DLG2: variants seen among roughly 807,000 people sequenced by gnomAD.
The protein encoded by DLG2 is disks large homolog 2.
In DLG2, 45 loss-of-function variants were observed where a neutral mutation model predicts 132.5. The observed-to-expected ratio is 0.34, with a 90% confidence interval of 0.27 to 0.44. DLG2 has a LOEUF of 0.44. Among genes scored for constraint, DLG2 ranks in the 20% least tolerant of loss-of-function variants. The pLI is 1.00. For missense variants in DLG2, 1,045 were observed against 1,196.9 expected, an observed-to-expected ratio of 0.87 and a Z score of 1.87; for synonymous variants, 424 against 419.6, an observed-to-expected ratio of 1.01 and a Z score of -0.13.
At chr11:84,902,703 C>T (rs2091038266) in intron 6 of DLG2, among the ~76,000 whole-genome samples, 1 of 152,140 alleles carries the variant, frequency 6.6e-6, no homozygotes, top group Non-Finnish European at 1.5e-5. Flanking sequence ...TGCAGACTGG[C>T]ATGTATAGCT....
At chr11:84,411,482 C>A (rs1301240777) in intron 7 of DLG2, among the ~76,000 whole-genome samples, 1 of 151,856 alleles carries the variant, frequency 6.6e-6, no homozygotes, top group Non-Finnish European at 1.5e-5. Context: ...CTTAGTTGTA[C>A]ACTGATTTAA....
rs148741217 is a variant in DLG2 at position 84,021,572 on chromosome 11, G to A, written c.919+37743C>T. Among the ~76,000 whole-genome samples, 8 of 152,262 alleles carry A rather than the reference G, an allele frequency of 5.3e-5. No homozygotes were observed. In the East Asian group the frequency reaches 1.5e-3, roughly 29 times the overall value. ...TATGCTTGTCAGCAGCAACTGCTTA[G>A]GAAGTATGAGTCCATGACAGTACCT... On this transcript the variant is annotated intron_variant, in intron 11 of 27. Coordinates refer to ENST00000376104, the MANE Select transcript of DLG2 (RefSeq NM_001142699.3).
chr11:84,655,488 C>T (rs933001523), intron 6 of DLG2, among the ~76,000 whole-genome samples: 1 of 152,100 alleles, frequency 6.6e-6, no homozygotes, highest in African/African-American at 2.4e-5. Context: ...TAATGGGCTA[C>T]ACCATCTATT....
chr11:84,406,564 T>C (rs1057178592), intron 7 of DLG2, among the ~76,000 whole-genome samples: 1 of 152,200 alleles, frequency 6.6e-6, no homozygotes, highest in African/African-American at 2.4e-5. Context: ...GGTTTTGAAC[T>C]CTTGGGCTAA....
chr11:85,102,771 C>G (rs529859120), intron 6 of DLG2, among the ~76,000 whole-genome samples: 7 of 151,884 alleles, frequency 4.6e-5, no homozygotes, highest in African/African-American at 1.7e-4. Context: ...AGATTCTAGC[C>G]ACATCAATTG....
At chr11:83,945,934 G>GTCCTTCCT (rs760832594) in intron 14 of DLG2, among the ~76,000 whole-genome samples, 16 of 136,062 alleles carry the variant, frequency 1.2e-4, no homozygotes, top group African/African-American at 4.1e-4. Flanking sequence ...CCTTCCTTCC[G>GTCCTTCCT]TCCTTCCTTC....
intron 18 of DLG2, among the ~76,000 whole-genome samples, chr11:83,690,803 G>GA (rs1037260880): frequency 6.6e-6 from 1 of 152,028 alleles, no homozygotes; most frequent in Non-Finnish European, 1.5e-5. Flanking sequence ...AGAAAAATCA[G>GA]AAAAGAATAC....
intron 3 of DLG2, among the ~76,000 whole-genome samples, chr11:85,322,658 C>G (rs557441427): frequency 6.6e-6 from 1 of 152,230 alleles, no homozygotes; most frequent in African/African-American, 2.4e-5. Context: ...TAACAAAAAT[C>G]TTATTCTCCT....
At chr11:85,308,043 T>A (rs2080065763) in intron 3 of DLG2, among the ~76,000 whole-genome samples, 1 of 151,902 alleles carries the variant, frequency 6.6e-6, no homozygotes, top group South Asian at 2.1e-4. Context: ...TAATCCCAGC[T>A]ACTCAGAGGC....
intron 3 of DLG2, among the ~76,000 whole-genome samples, chr11:85,575,782 C>G (rs2078122949): frequency 6.6e-6 from 1 of 152,122 alleles, no homozygotes; most frequent in African/African-American, 2.4e-5. Context: ...TTATGGTGCT[C>G]CAGATTACCC....
rs111770652 is a variant in DLG2, at chr11:83,956,226, T to G, written c.1340+6659A>C. Among the ~76,000 whole-genome samples, 4 of 152,144 alleles carry G rather than the reference T, an allele frequency of 2.6e-5. No individual in the cohort carries two copies. In the South Asian group the frequency reaches 8.3e-4, roughly 32 times the overall value. On this transcript the variant is annotated intron_variant, in intron 14 of 27. Transcript: ENST00000376104. ...ATCATCTGTGTGACCTCATTCTTCATGGATGCTGGACGAGAGCTTGGGACC... is the reference window on the plus strand; with the variant it reads ...ATCATCTGTGTGACCTCATTCTTCAGGGATGCTGGACGAGAGCTTGGGACC...
At chr11:84,508,566 C>A (rs1383301196) in intron 7 of DLG2, among the ~76,000 whole-genome samples, 1 of 151,894 alleles carries the variant, frequency 6.6e-6, no homozygotes, top group Non-Finnish European at 1.5e-5. Context: ...CCATGCCTGG[C>A]TAATTTTTGT....
chr11:85,108,432 G>A (rs1271748980), intron 6 of DLG2, among the ~76,000 whole-genome samples: 1 of 151,852 alleles, frequency 6.6e-6, no homozygotes, highest in African/African-American at 2.4e-5. Flanking sequence ...TTAAGCACAA[G>A]GTGAAGATTT....
chr11:84,497,837 C>T (rs369444263), intron 7 of DLG2, among the ~76,000 whole-genome samples: 1 of 152,132 alleles, frequency 6.6e-6, no homozygotes, highest in Admixed American at 6.6e-5. Flanking sequence ...TCCGCATTAC[C>T]TTGATCTGAC....
intron 9 of DLG2, among the ~76,000 whole-genome samples, chr11:84,132,576 T>C (rs2094459602): frequency 6.6e-6 from 1 of 152,036 alleles, no homozygotes; most frequent in South Asian, 2.1e-4. Flanking sequence ...CTTAATTTAT[T>C]GAGAACCTAC....
At chr11:84,008,159 T>C (rs1398768236) in intron 11 of DLG2, among the ~76,000 whole-genome samples, 1 of 151,822 alleles carries the variant, frequency 6.6e-6, no homozygotes, top group Non-Finnish European at 1.5e-5. Flanking sequence ...TAAAATACTT[T>C]CATTTATCCT....
intron 21 of DLG2, among the ~76,000 whole-genome samples, chr11:83,490,265 CACAA>C (rs747790020): frequency 4.6e-5 from 7 of 151,760 alleles, no homozygotes; most frequent in African/African-American, 1.5e-4. Flanking sequence ...TATGAAAAGA[CACAA>C]ACAAAACCTG....
chr11:85,337,850 A>C (rs2082235432), intron 3 of DLG2, among the ~76,000 whole-genome samples: 1 of 152,220 alleles, frequency 6.6e-6, no homozygotes, highest in Admixed American at 6.5e-5. Flanking sequence ...AACACTGCCA[A>C]ATGTACCCAG....
chr11:83,659,172 G>C (rs1014785090), intron 18 of DLG2, among the ~76,000 whole-genome samples: 2 of 152,102 alleles, frequency 1.3e-5, no homozygotes, highest in African/African-American at 2.4e-5. Flanking sequence ...ATTTACTTTT[G>C]TCATCAAATG....
Sources: allele counts gnomAD v4.1 joint callset (sites outside exome capture counted in the v4.1 genomes callset), GRCh38; gene constraint gnomAD v4.1.1; transcripts MANE v1.5; gene names NCBI Gene and HGNC (gene_info 2026-07-23, HGNC 2026-07-21).